Variants in TRPM3 observed in about 807,000 individuals in gnomAD.
TRPM3 encodes transient receptor potential cation channel subfamily M member 3, also known as long transient receptor potential channel 3.
A neutral mutation model predicts 181.2 loss-of-function variants in TRPM3; 77 were observed. The observed-to-expected ratio is 0.42, with a 90% CI of 0.35 to 0.51. The LOEUF (loss-of-function observed/expected upper bound fraction) is 0.51. TRPM3 is among the 20% of genes least tolerant of loss of function. The pLI is 0.01. For synonymous variants in TRPM3, 745 were observed against 796.4 expected (o/e 0.94, Z 1.09); for missense variants, 1,759 against 2,196.7 (o/e 0.80, Z 3.98).
chr9:71,422,566 A>C (rs1254517197), intron 1 of TRPM3, among the ~76,000 whole-genome samples: 1 of 152,070 alleles, frequency 6.6e-6, no homozygotes, highest in African/African-American at 2.4e-5. Flanking sequence ...TTTGAAAATC[A>C]CTACTTTATA....
At chr9:70,545,558 T>TTTTTTTC in intron 25 of TRPM3, among the ~76,000 whole-genome samples, 1 of 144,846 alleles carries the variant, frequency 6.9e-6, no homozygotes, top group South Asian at 2.3e-4. Context: ...CTTTTTTTTT[T>TTTTTTTC]TTTTTTGAAG....
At chr9:71,216,016 T>C (rs2079842936) in intron 1 of TRPM3, among the ~76,000 whole-genome samples, 1 of 152,150 alleles carries the variant, frequency 6.6e-6, no homozygotes, top group Admixed American at 6.5e-5. Context: ...CAGAGTTCCA[T>C]GAAAAAAGAT....
chr9:71,350,039 T>G (rs2132659941), intron 1 of TRPM3, among the ~76,000 whole-genome samples: 1 of 148,634 alleles, frequency 6.7e-6, no homozygotes, highest in Admixed American at 6.7e-5. Context: ...GTTAAAAAAT[T>G]AACATTTGCT....
At chr9:71,266,802 T>G (rs906355186) in intron 1 of TRPM3, among the ~76,000 whole-genome samples, 1 of 152,166 alleles carries the variant, frequency 6.6e-6, no homozygotes, top group Non-Finnish European at 1.5e-5. Context: ...GTAATCACCA[T>G]TCTTCTCTGA....
At chr9:71,390,451 T>C (rs1218348236) in intron 1 of TRPM3, among the ~76,000 whole-genome samples, 5 of 152,074 alleles carry the variant, frequency 3.3e-5, no homozygotes, top group Non-Finnish European at 5.9e-5. Context: ...CAAATGTTTA[T>C]ATTCTGATCA....
At chr9:71,434,328 C>T (rs1307621724) in intron 1 of TRPM3, among the ~76,000 whole-genome samples, 2 of 151,924 alleles carry the variant, frequency 1.3e-5, no homozygotes, top group Admixed American at 6.6e-5. Flanking sequence ...GGATTGGTGC[C>T]CTTATAAAAA....
At chr9:70,784,034 C>T (rs2130847907) in intron 7 of TRPM3, 71 bp downstream of exon 7, 4 of 1,531,136 alleles carry the variant, frequency 2.6e-6, no homozygotes, top group Middle Eastern at 2.4e-4. Context: ...CTACTGAAAA[C>T]ATAATCCACT....
intron 1 of TRPM3, among the ~76,000 whole-genome samples, chr9:71,216,436 C>G (rs745526126): frequency 1.3e-5 from 2 of 152,150 alleles, no homozygotes; most frequent in African/African-American, 2.4e-5. Context: ...AAATATTATA[C>G]TTTAATCTAC....
At chr9:71,055,926 T>C (rs1038345820) in intron 1 of TRPM3, among the ~76,000 whole-genome samples, 2 of 152,034 alleles carry the variant, frequency 1.3e-5, no homozygotes, top group Non-Finnish European at 1.5e-5. Context: ...ATAGTCTGTA[T>C]ACAAATAACC....
At position 71,392,508 on chromosome 9, in the gene TRPM3, G is replaced by A. The variant is rs141860430; in HGVS notation, c.183+54145C>T. Among the ~76,000 whole-genome samples the A allele has an allele frequency of 5.7e-3, 872 of 152,024 alleles. 12 individuals carry two copies. The highest frequency in any genetic ancestry group is 0.02 in the African/African-American group (839 of 41,492). The stretch of plus-strand genomic sequence containing the variant: ...GTATTTTTTGCCTTGGCTGGGTATT[G>A]GTTTTTTTCAGATTATCCTCTCCAT... On this transcript the variant is annotated intron_variant, in intron 1 of 24. Coordinates refer to the TRPM3 transcript ENST00000357533.
chr9:70,899,289 A>T (rs966255557), intron 1 of TRPM3, among the ~76,000 whole-genome samples: 8 of 152,208 alleles, frequency 5.3e-5, no homozygotes, highest in African/African-American at 1.9e-4. Context: ...CCTGGAAGTG[A>T]TCTTACTGTT....
intron 1 of TRPM3, among the ~76,000 whole-genome samples, chr9:71,074,350 A>G (rs990602914): frequency 6.6e-6 from 1 of 152,034 alleles, no homozygotes; most frequent in Non-Finnish European, 1.5e-5. Flanking sequence ...TCTAATATTT[A>G]TTTTATGTTT....
intron 1 of TRPM3, among the ~76,000 whole-genome samples, chr9:71,218,497 A>C (rs999591108): frequency 6.6e-6 from 1 of 152,230 alleles, no homozygotes; most frequent in South Asian, 2.1e-4. Flanking sequence ...TCTAGCTGCT[A>C]AAGTTTTTCA....
chr9:70,758,712 C>G (rs1203976369), intron 8 of TRPM3, among the ~76,000 whole-genome samples: 1 of 152,018 alleles, frequency 6.6e-6, no homozygotes, highest in African/African-American at 2.4e-5. Flanking sequence ...ACAAACCTGA[C>G]AAAAACAAGC....
At chr9:70,882,148 CCA>C (rs1263046164) in intron 1 of TRPM3, among the ~76,000 whole-genome samples, 1 of 152,120 alleles carries the variant, frequency 6.6e-6, no homozygotes. Context: ...AAATCCTTGG[CCA>C]CACAGAGTGC....
intron 3 of TRPM3, among the ~76,000 whole-genome samples, chr9:70,859,895 G>A (rs2095481134): frequency 1.3e-5 from 2 of 152,148 alleles, no homozygotes; most frequent in Non-Finnish European, 2.9e-5. Flanking sequence ...ACGTGATGTG[G>A]TGATCCACAG....
chr9:70,983,975 T>C (rs12551853), intron 1 of TRPM3, among the ~76,000 whole-genome samples: 5,491 of 152,238 alleles, frequency 0.036, 131 homozygotes, highest in South Asian at 0.12. Flanking sequence ...TTTTTATCGA[T>C]GGTCTGGCTG....
chr9:70,640,608 TCTG>T lies in TRPM3; in HGVS notation c.1395_1397del (p.Asn465_Arg466delinsLys). 6.2e-7 allele frequency: 1 copy of T among 1,613,790 alleles called. No homozygotes were observed. Among genetic ancestry groups the T allele is most frequent in the Non-Finnish European group, 8.5e-7 (1 of 1,179,834 alleles). ...AGATCTGGCTGCGAGCGATGTCGAC[TCTG>T]TTCCAGGCTAAAGCTAAGCTCAGTT... On this transcript the variant is annotated inframe_deletion, in exon 10 of 26. Transcript: ENST00000677713.
intron 9 of TRPM3, among the ~76,000 whole-genome samples, chr9:70,669,583 A>G (rs1405455136): frequency 1.3e-5 from 2 of 152,168 alleles, no homozygotes; most frequent in Non-Finnish European, 2.9e-5. Flanking sequence ...AAGAGGACTA[A>G]CTTTGCAAAA....
Sources: allele counts gnomAD v4.1 joint callset (sites outside exome capture counted in the v4.1 genomes callset), GRCh38; gene constraint gnomAD v4.1.1; transcripts MANE v1.5; gene names NCBI Gene and HGNC (gene_info 2026-07-23, HGNC 2026-07-21).